SEMA6D: variants seen among roughly 807,000 people sequenced by gnomAD.
SEMA6D encodes the protein semaphorin-6D.
SEMA6D carries 35 observed loss-of-function variants against 106.6 expected under a neutral mutation model. The observed-to-expected ratio is 0.33, with a 90% CI of 0.25 to 0.44. The LOEUF is 0.44. Among genes scored for constraint, SEMA6D ranks in the 20% least tolerant of loss-of-function variants. The pLI is 1.00. For synonymous variants in SEMA6D, 499 were observed against 487.7 expected (o/e 1.02, Z -0.31); for missense variants, 1,185 against 1,345.9 (o/e 0.88, Z 1.87).
chr15:47,535,080 A>G (rs1286183578), intron 3 of SEMA6D, among the ~76,000 whole-genome samples: 1 of 151,654 alleles, frequency 6.6e-6, no homozygotes. Context: ...AAAAAAAAAA[A>G]AAACACAAAA....
chr15:47,485,984 T>C (rs1413284197), intron 3 of SEMA6D, among the ~76,000 whole-genome samples: 1 of 152,188 alleles, frequency 6.6e-6, no homozygotes, highest in Non-Finnish European at 1.5e-5. Context: ...CACTCCGTAG[T>C]AAACTAAGCT....
At chr15:47,552,891 A>AATATATATATTTTTATAT (rs1566883057) in intron 3 of SEMA6D, among the ~76,000 whole-genome samples, 4 of 35,282 alleles carry the variant, frequency 1.1e-4, no homozygotes, top group Non-Finnish European at 2.0e-4. Context: ...AATATATATA[A>AATATATATATTTTTATAT]ATATATATAT....
At chr15:47,361,697 CCCAATCTGCCTCCCTCGCA>C (rs1228863712) in intron 1 of SEMA6D, among the ~76,000 whole-genome samples, 1 of 152,258 alleles carries the variant, frequency 6.6e-6, no homozygotes, top group East Asian at 1.9e-4. Flanking sequence ...ATGAGAGGAG[CCCAATCTGCCTCCCTCGCA>C]CATGCTCTGG....
intron 1 of SEMA6D, among the ~76,000 whole-genome samples, chr15:47,720,275 T>C (rs1279898919): frequency 7.0e-6 from 1 of 141,850 alleles, no homozygotes; most frequent in East Asian, 1.9e-4. Context: ...TTTTTTTTTT[T>C]TTTTTTTTTG....
intron 1 of SEMA6D, among the ~76,000 whole-genome samples, chr15:47,381,061 T>G (rs567167667): frequency 1.3e-5 from 2 of 152,330 alleles, no homozygotes; most frequent in Admixed American, 1.3e-4. Context: ...AAAATGTGAA[T>G]TAAGCCAGGC....
chr15:47,736,238 G>C (rs1430775477), intron 1 of SEMA6D, among the ~76,000 whole-genome samples: 6 of 152,252 alleles, frequency 3.9e-5, no homozygotes, highest in African/African-American at 1.4e-4. Context: ...AGCCCCTAAT[G>C]GTTGGCTAAC....
chr15:47,538,608 C>A (rs1311334474), intron 3 of SEMA6D, among the ~76,000 whole-genome samples: 2 of 152,138 alleles, frequency 1.3e-5, no homozygotes, highest in Admixed American at 6.6e-5. Context: ...TGTGAGATAA[C>A]CACAGTGGCT....
chr15:47,720,163 T>G (rs929091017), intron 1 of SEMA6D, among the ~76,000 whole-genome samples: 1 of 152,246 alleles, frequency 6.6e-6, no homozygotes, highest in African/African-American at 2.4e-5. Context: ...ATTGGCACAT[T>G]TTGTTAGATT....
At chr15:47,488,774 G>T (rs2043375082) in intron 3 of SEMA6D, among the ~76,000 whole-genome samples, 1 of 152,146 alleles carries the variant, frequency 6.6e-6, no homozygotes, top group Non-Finnish European at 1.5e-5. Flanking sequence ...ATGCCTTTGT[G>T]ACTAGAGTGT....
intron 2 of SEMA6D, among the ~76,000 whole-genome samples, chr15:47,416,460 C>T (rs990477867): frequency 3.3e-5 from 5 of 152,128 alleles, no homozygotes; most frequent in African/African-American, 9.7e-5. Context: ...TCCTAAAATA[C>T]TCCACCCAAA....
intron 1 of SEMA6D, among the ~76,000 whole-genome samples, chr15:47,214,042 C>G (rs2030320647): frequency 6.6e-6 from 1 of 152,008 alleles, no homozygotes; most frequent in African/African-American, 2.4e-5. Flanking sequence ...GAGATTGGGT[C>G]ATTGATCAGA....
chr15:47,464,713 C>G (rs1014390229), intron 2 of SEMA6D, among the ~76,000 whole-genome samples: 3 of 152,050 alleles, frequency 2.0e-5, no homozygotes, highest in African/African-American at 7.2e-5. Context: ...GCACCCTTGT[C>G]AAAATGGAAA....
Position 47,597,013 on chromosome 15 carries a change from A to T in SEMA6D, c.-86-3852A>T, listed in dbSNP as rs367573220. 2.8e-3 allele frequency among the ~76,000 whole-genome samples: 431 copies of T among 152,280 alleles called. 10 individuals carry two copies. The South Asian group carries it at 0.042, about 15-fold the overall frequency. ...GAAAACCTACAGATTGAGAGAAAATATTTGCAAGCAATACCTCTGATAAGG... is the reference window on the plus strand; with the variant it reads ...GAAAACCTACAGATTGAGAGAAAATTTTTGCAAGCAATACCTCTGATAAGG... On this transcript the variant is annotated intron_variant, in intron 3 of 19. Transcript: ENST00000558014.
chr15:47,724,878 G>A (rs781288090), intron 1 of SEMA6D, among the ~76,000 whole-genome samples: 7 of 152,232 alleles, frequency 4.6e-5, no homozygotes, highest in East Asian at 3.9e-4. Flanking sequence ...ACTAAAACCC[G>A]CACATCAGCT....
chr15:47,696,152 C>T (rs1241574126), intron 4 of SEMA6D, among the ~76,000 whole-genome samples: 2 of 152,126 alleles, frequency 1.3e-5, no homozygotes, highest in Non-Finnish European at 2.9e-5. Flanking sequence ...ATCTGAACTC[C>T]ACTTTTCCAA....
chr15:47,276,167 T>C (rs1378016470), intron 1 of SEMA6D, among the ~76,000 whole-genome samples: 1 of 152,030 alleles, frequency 6.6e-6, no homozygotes. Flanking sequence ...CTCTGTAACA[T>C]AACATAAAAG....
Position 47,206,222 on chromosome 15 carries a change from A to G in SEMA6D, c.-239+21804A>G, listed in dbSNP as rs142208975. On this transcript the variant is annotated intron_variant, in intron 1 of 19. Coordinates refer to the SEMA6D transcript ENST00000558014. ...TAGTTCCTTTTACTTACTGAAAATC[A>G]ATATAAGGTAAAAAGTCAAAGGCCA... Among the ~76,000 whole-genome samples the G allele has an allele frequency of 9.2e-5, 14 of 152,332 alleles. No individual in the cohort carries two copies. The East Asian group carries it at 2.7e-3, about 29-fold the overall frequency.
chr15:47,351,299 C>G (rs544743077), intron 1 of SEMA6D, among the ~76,000 whole-genome samples: 3 of 152,290 alleles, frequency 2.0e-5, no homozygotes, highest in African/African-American at 7.2e-5. Flanking sequence ...GTTTTTACCA[C>G]TACTTATTGT....
intron 1 of SEMA6D, among the ~76,000 whole-genome samples, chr15:47,305,865 C>T (rs985141597): frequency 6.6e-6 from 1 of 152,222 alleles, no homozygotes; most frequent in Non-Finnish European, 1.5e-5. Flanking sequence ...GCCAGAGCCT[C>T]CTTTGATCCA....
Sources: gnomAD v4.1 joint callset for allele counts (sites outside exome capture counted in the v4.1 genomes callset) on GRCh38, gnomAD v4.1.1 for gene constraint, MANE v1.5 for transcripts, NCBI Gene and HGNC (gene_info 2026-07-23, HGNC 2026-07-21) for gene names.